Variants in RGS10 observed in about 807,000 individuals in gnomAD.
RGS10 encodes the protein regulator of G protein signaling 10, also known as regulator of G-protein signalling 10.
In RGS10, 11 loss-of-function variants were observed where a neutral mutation model predicts 23.5. The observed-to-expected ratio is 0.47, with a 90% CI of 0.29 to 0.77. The LOEUF (loss-of-function observed/expected upper bound fraction) is 0.77. Ranked by LOEUF, RGS10 falls within the 30% of genes least tolerant of loss-of-function variation. The pLI is 0.08. For missense variants in RGS10, 180 were observed against 226.3 expected, an observed-to-expected ratio of 0.80 and a Z score of 1.31; for synonymous variants, 77 against 83.2, an observed-to-expected ratio of 0.92 and a Z score of 0.41.
At chr10:119,500,812 G>A (rs1843944258) in intron 4 of RGS10, among the ~76,000 whole-genome samples, 1 of 151,724 alleles carries the variant, frequency 6.6e-6, no homozygotes, top group Non-Finnish European at 1.5e-5. Context: ...ATCTTAGCAA[G>A]GGAACAGGTC....
At chr10:119,500,647 G>A (rs901080813) in intron 4 of RGS10, among the ~76,000 whole-genome samples, 20 of 151,296 alleles carry the variant, frequency 1.3e-4, no homozygotes, top group Non-Finnish European at 2.8e-4. Context: ...TTTCTGTAGA[G>A]ACAGTGGTGT....
chr10:119,519,220 C>T (rs570582444), intron 3 of RGS10, among the ~76,000 whole-genome samples: 1 of 152,314 alleles, frequency 6.6e-6, no homozygotes, highest in East Asian at 1.9e-4. Context: ...TCTCTTCCCG[C>T]TTCCCTCACC....
At chr10:119,504,201 CT>C (rs1249222365) in intron 4 of RGS10, among the ~76,000 whole-genome samples, 1 of 152,170 alleles carries the variant, frequency 6.6e-6, no homozygotes, top group Non-Finnish European at 1.5e-5. Flanking sequence ...TTGTTGTTTG[CT>C]TTTTTGAGAT....
chr10:119,520,634 AC>A (rs963351724), intron 3 of RGS10, among the ~76,000 whole-genome samples: 2 of 151,470 alleles, frequency 1.3e-5, no homozygotes, highest in African/African-American at 4.9e-5. Flanking sequence ...CCAAATATAG[AC>A]CCCCCGCGCC....
intron 4 of RGS10, among the ~76,000 whole-genome samples, chr10:119,504,056 T>G (rs1227368633): frequency 1.3e-5 from 2 of 152,252 alleles, no homozygotes; most frequent in Non-Finnish European, 2.9e-5. Flanking sequence ...GCCACTCGCA[T>G]GGCAGGACAA....
At chr10:119,513,672 G>A (rs918781122) in intron 4 of RGS10, among the ~76,000 whole-genome samples, 12 of 152,194 alleles carry the variant, frequency 7.9e-5, no homozygotes, top group Admixed American at 2.6e-4. Context: ...CAGTGCTACC[G>A]CATGGAGTCA....
At chr10:119,505,265 C>G (rs1428931988) in intron 4 of RGS10, among the ~76,000 whole-genome samples, 1 of 148,200 alleles carries the variant, frequency 6.7e-6, no homozygotes, top group African/African-American at 2.5e-5. Context: ...ATCCGTCCAA[C>G]AAACGGCTGC....
intron 4 of RGS10, among the ~76,000 whole-genome samples, chr10:119,503,512 G>A (rs1843975136): frequency 6.6e-6 from 1 of 152,224 alleles, no homozygotes; most frequent in Non-Finnish European, 1.5e-5. Flanking sequence ...TGCAGCAGCA[G>A]AGGCTGGGGA....
intron 3 of RGS10, among the ~76,000 whole-genome samples, chr10:119,523,158 C>T (rs565202617): frequency 1.5e-4 from 23 of 152,198 alleles, no homozygotes; most frequent in Admixed American, 2.0e-4. Context: ...CAGCCTCGGG[C>T]GAGCTGCCGC....
At chr10:119,511,696 T>C (rs1435890296) in intron 4 of RGS10, among the ~76,000 whole-genome samples, 1 of 152,062 alleles carries the variant, frequency 6.6e-6, no homozygotes, top group East Asian at 1.9e-4. Context: ...CAATTTCACT[T>C]CTACTTGATG....
intron 4 of RGS10, among the ~76,000 whole-genome samples, chr10:119,506,889 CG>C (rs1033777475): frequency 1.3e-5 from 2 of 152,044 alleles, no homozygotes; most frequent in African/African-American, 4.8e-5. Context: ...TTAGTAGAGA[CG>C]GGGTTTCACC....
intron 1 of RGS10, chr10:119,536,408 G>A (rs1844387358): frequency 1.3e-6 from 2 of 1,550,030 alleles, no homozygotes; most frequent in Non-Finnish European, 1.8e-6. Flanking sequence ...GCCCCGCCCA[G>A]GGCCAAGGCG....
rs1844436548 is a variant in RGS10, at chr10:119,541,692, CAGAGTCAGG to C, written c.49+889_49+897del. On this transcript the variant is annotated intron_variant, in intron 1 of 4. Transcript: ENST00000369103. Reference sequence around the variant, plus strand: ...GAAGCCCGGCAAAGCCCCCGAACTTCAGAGTCAGGGGAACCTGGGTTTGAAAGCCTCCCC... The same window carrying C: ...GAAGCCCGGCAAAGCCCCCGAACTTCGGAACCTGGGTTTGAAAGCCTCCCC... Among the ~76,000 whole-genome samples, 4 of 152,346 alleles carry C rather than the reference CAGAGTCAGG, an allele frequency of 2.6e-5. No homozygotes were observed. The South Asian group carries it at 8.3e-4, about 32-fold the overall frequency.
At position 119,515,533 on chromosome 10, in the gene RGS10, C is replaced by G. The variant is rs765213266; in HGVS notation, c.375G>C (p.Leu125=). Residue 125 remains leucine, a synonymous_variant, in exon 4 of 5, where the codon CTG becomes CTC. Coordinates refer to ENST00000369103, the MANE Select transcript of RGS10 (RefSeq NM_001005339.2). ...CCTGGTCCTGGAGTTTCTGGAACAT[C>G]AGAGGGTGCGGTTCTTCCAGGATCT... The part of the protein sequence containing the change: ...NEKILEEPHP[L]MFQKLQDQIF... 3.2e-5 allele frequency: 51 copies of G among 1,614,158 alleles called. No individual in the cohort carries two copies. Among genetic ancestry groups the G allele is most frequent in the Non-Finnish European group, 4.1e-5 (48 of 1,180,018 alleles).
Position 119,541,523 on chromosome 10 carries a change from A to G in RGS10, c.49+1067T>C, listed in dbSNP as rs1844434776. On this transcript the variant is annotated intron_variant, in intron 1 of 4. Transcript: ENST00000369103. The stretch of plus-strand genomic sequence containing the variant: ...TGCAGAAAGGTCCCACGGCTGGTGA[A>G]TATGGCGAAGGTGAGATTCGGATCC... Among the ~76,000 whole-genome samples the G allele has an allele frequency of 5.3e-5, 8 of 152,314 alleles. No individual in the cohort carries two copies. The South Asian group carries it at 1.7e-3, about 32-fold the overall frequency.
At chr10:119,502,841 G>A (rs1008618320) in intron 4 of RGS10, among the ~76,000 whole-genome samples, 2 of 152,228 alleles carry the variant, frequency 1.3e-5, no homozygotes, top group East Asian at 1.9e-4. Flanking sequence ...CCCATCTCCC[G>A]TGCTGCTGCA....
At chr10:119,537,163 C>T (rs536331105) in intron 1 of RGS10, among the ~76,000 whole-genome samples, 4 of 152,034 alleles carry the variant, frequency 2.6e-5, no homozygotes, top group Admixed American at 2.0e-4. Context: ...GAGGCCGAGG[C>T]GGGCAGATCA....
At position 119,517,523 on chromosome 10, in the gene RGS10, T is replaced by A. The variant is rs905694862; in HGVS notation, c.256-1871A>T. 2.0e-5 allele frequency among the ~76,000 whole-genome samples: 3 copies of A among 152,150 alleles called. No individual in the cohort carries two copies. Among genetic ancestry groups the A allele is most frequent in the Non-Finnish European group, 4.4e-5 (3 of 68,038 alleles). On this transcript the variant is annotated intron_variant, in intron 3 of 4. Transcript: ENST00000369103. The surrounding 1 kb of genome is among the most constrained non-coding windows in gnomAD (Gnocchi z 5.0). ...GCCTCCCTCCACCACCCCCATTCCGTCAGGAAGCAACCCTTTTGGAAAACC... is the reference window on the plus strand; with the variant it reads ...GCCTCCCTCCACCACCCCCATTCCGACAGGAAGCAACCCTTTTGGAAAACC...
chr10:119,510,561 A>T (rs549008740), intron 4 of RGS10, among the ~76,000 whole-genome samples: 17 of 152,276 alleles, frequency 1.1e-4, no homozygotes, highest in African/African-American at 3.9e-4. Context: ...GTGGGGGCAG[A>T]TGCTGATTTC....
Sources: allele counts gnomAD v4.1 joint callset (sites outside exome capture counted in the v4.1 genomes callset), GRCh38; gene constraint gnomAD v4.1.1; non-coding constraint Gnocchi (gnomAD v3.1); transcripts MANE v1.5; gene names NCBI Gene and HGNC (gene_info 2026-07-23, HGNC 2026-07-21).